Variants in CDKAL1 observed in about 807,000 individuals in gnomAD.
The protein encoded by CDKAL1 is threonylcarbamoyladenosine tRNA methylthiotransferase.
Under a neutral mutation model 68.2 loss-of-function variants are expected in CDKAL1, and 32 were observed. The ratio of observed to expected loss-of-function variants is 0.47; its 90% confidence interval spans 0.35 to 0.63. CDKAL1 has a LOEUF of 0.63. Ranked by LOEUF, CDKAL1 falls within the 30% of genes least tolerant of loss-of-function variation. CDKAL1 has a pLI of 0.00. For missense variants in CDKAL1, 606 were observed against 696.7 expected (o/e 0.87, Z 1.47); for synonymous variants, 234 against 244.3 (o/e 0.96, Z 0.39).
intron 5 of CDKAL1, among the ~76,000 whole-genome samples, chr6:20,710,162 T>C (rs1771782797): frequency 6.6e-6 from 1 of 152,164 alleles, no homozygotes; most frequent in South Asian, 2.1e-4. Flanking sequence ...AATTACTTCA[T>C]TAGGGAAATC....
chr6:21,035,157 C>A lies in CDKAL1; in HGVS notation c.1056-29891C>A, dbSNP rs552573575. Among the ~76,000 whole-genome samples, 6 of 152,172 alleles carry A rather than the reference C, an allele frequency of 3.9e-5. No homozygotes were observed. The South Asian group carries it at 1.2e-3, about 32-fold the overall frequency. On this transcript the variant is annotated intron_variant, in intron 11 of 15. Transcript: ENST00000274695. ...AATATAGATTTTATTTTAGCATATTCTTCTCTATCAACAGCAATCTTAGCC... is the reference window on the plus strand; with the variant it reads ...AATATAGATTTTATTTTAGCATATTATTCTCTATCAACAGCAATCTTAGCC...
At chr6:20,820,045 T>C (rs1243847267) in intron 8 of CDKAL1, among the ~76,000 whole-genome samples, 1 of 152,252 alleles carries the variant, frequency 6.6e-6, no homozygotes, top group East Asian at 1.9e-4. Flanking sequence ...GGCTGAAGTC[T>C]CGTGTGTAAC....
intron 11 of CDKAL1, among the ~76,000 whole-genome samples, chr6:21,041,161 T>C (rs1263896447): frequency 6.6e-6 from 1 of 152,170 alleles, no homozygotes; most frequent in Admixed American, 6.5e-5. Context: ...TAAACCAGAC[T>C]GAGATTACTT....
At chr6:21,012,658 G>T (rs1052135270) in intron 11 of CDKAL1, among the ~76,000 whole-genome samples, 4 of 152,166 alleles carry the variant, frequency 2.6e-5, no homozygotes, top group Non-Finnish European at 5.9e-5. Context: ...GCCTTTCTGC[G>T]CAAGCACTGA....
chr6:20,667,528 A>G lies in CDKAL1; in HGVS notation c.371+18151A>G, dbSNP rs142963455. ...AGCAAACTTTGCTATCTGAGGTAAC[A>G]AGAAATCTTGAGGAAGGGCAGCTCC... is the stretch of plus-strand genomic sequence containing the variant. On this transcript the variant is annotated intron_variant, in intron 5 of 15. Transcript: ENST00000274695. Among the ~76,000 whole-genome samples the G allele has an allele frequency of 4.9e-3, 752 of 152,252 alleles. 2 individuals carry two copies. Among genetic ancestry groups the G allele is most frequent in the African/African-American group, 0.017 (707 of 41,554 alleles).
chr6:20,762,336 G>A (rs1430531722), intron 7 of CDKAL1, among the ~76,000 whole-genome samples: 1 of 152,186 alleles, frequency 6.6e-6, no homozygotes, highest in East Asian at 1.9e-4. Context: ...TTTGGTTAGA[G>A]GATGGGAAGT....
rs116457113 is a variant in CDKAL1 at position 20,874,353 on chromosome 6, T to C, written c.742+28175T>C. 5.7e-3 allele frequency among the ~76,000 whole-genome samples: 863 copies of C among 151,904 alleles called. 11 individuals carry two copies. The highest frequency in any genetic ancestry group is 0.02 in the African/African-American group (810 of 41,392). On this transcript the variant is annotated intron_variant, in intron 9 of 15. Coordinates refer to ENST00000274695, the MANE Select transcript of CDKAL1 (RefSeq NM_017774.3). ...GTCTCGCCCTGTCGTCCAGGCTGGATGATAGAGTGGTGTGATCTCAGCCCA... is the reference window on the plus strand; with the variant it reads ...GTCTCGCCCTGTCGTCCAGGCTGGACGATAGAGTGGTGTGATCTCAGCCCA...
At chr6:20,762,950 CCCTTTGCT>C (rs1237012006) in intron 7 of CDKAL1, among the ~76,000 whole-genome samples, 4 of 152,272 alleles carry the variant, frequency 2.6e-5, no homozygotes, top group Admixed American at 2.6e-4. Context: ...GTACATTATA[CCCTTTGCT>C]CCAGCCAACT....
At chr6:20,555,540 C>G (rs1764001122) in intron 4 of CDKAL1, among the ~76,000 whole-genome samples, 1 of 150,844 alleles carries the variant, frequency 6.6e-6, no homozygotes, top group African/African-American at 2.4e-5. Flanking sequence ...AGGCTGGTCT[C>G]AAACTCCTTA....
chr6:21,198,110 A>C lies in CDKAL1; in HGVS notation c.1383+6A>C. 1 of 1,573,056 alleles carries C rather than the reference A, an allele frequency of 6.4e-7. No homozygotes were observed. Among genetic ancestry groups the C allele is most frequent in the South Asian group, 1.2e-5 (1 of 84,748 alleles). ...ACAATCAATTCTATGAGCAGGTAAG[A>C]GGCACTTCAGTATTCTTGAGTTTTC... On this transcript the variant is annotated splice_donor_region_variant and intron_variant, in intron 14 of 15. Transcript: ENST00000274695.
At chr6:20,633,319 A>G (rs916495374) in intron 4 of CDKAL1, among the ~76,000 whole-genome samples, 2 of 152,120 alleles carry the variant, frequency 1.3e-5, no homozygotes, top group African/African-American at 4.8e-5. Context: ...GACCTCTTTC[A>G]CTTACATAAT....
At chr6:20,561,558 T>G (rs1764271669) in intron 4 of CDKAL1, among the ~76,000 whole-genome samples, 1 of 151,554 alleles carries the variant, frequency 6.6e-6, no homozygotes, top group Admixed American at 6.6e-5. Flanking sequence ...TGATAATATC[T>G]CTGTGTCTTA....
At chr6:21,085,542 CA>C (rs1050566087) in intron 12 of CDKAL1, among the ~76,000 whole-genome samples, 1 of 151,986 alleles carries the variant, frequency 6.6e-6, no homozygotes, top group Non-Finnish European at 1.5e-5. Flanking sequence ...TCACTGTTAA[CA>C]AAAAAGTAAC....
At chr6:21,044,766 T>G (rs1430451745) in intron 11 of CDKAL1, among the ~76,000 whole-genome samples, 1 of 150,900 alleles carries the variant, frequency 6.6e-6, no homozygotes, top group Non-Finnish European at 1.5e-5. Flanking sequence ...TCCCCCTTCC[T>G]TCTCAGAAGG....
intron 9 of CDKAL1, among the ~76,000 whole-genome samples, chr6:20,911,731 A>G (rs758616339): frequency 2.6e-5 from 4 of 152,200 alleles, no homozygotes; most frequent in African/African-American, 4.8e-5. Context: ...GAATAATACA[A>G]ATTTTACCTG....
intron 8 of CDKAL1, among the ~76,000 whole-genome samples, chr6:20,812,076 G>C (rs983481543): frequency 6.6e-6 from 1 of 151,918 alleles, no homozygotes; most frequent in Non-Finnish European, 1.5e-5. Flanking sequence ...TAATTTTATT[G>C]CTTCTTCATG....
intron 15 of CDKAL1, among the ~76,000 whole-genome samples, chr6:21,228,151 G>T (rs1177882715): frequency 4.6e-5 from 7 of 152,080 alleles, no homozygotes; most frequent in Admixed American, 3.9e-4. Context: ...AGCCAGTTTC[G>T]GGGTCTCTCA....
intron 7 of CDKAL1, among the ~76,000 whole-genome samples, chr6:20,770,552 A>G (rs6900375): frequency 0.96 from 146,028 of 152,284 alleles, 70,026 homozygotes; most frequent in East Asian, 1. Context: ...TCTTTAACAG[A>G]CCATGCCCAA....
At chr6:21,103,928 G>T (rs4130302) in intron 12 of CDKAL1, among the ~76,000 whole-genome samples, 2,452 of 152,270 alleles carry the variant, frequency 0.016, 26 homozygotes, top group Non-Finnish European at 0.023. Context: ...TTTTGGCTCA[G>T]CTTTTCGTTT....
Sources: allele counts gnomAD v4.1 joint callset (sites outside exome capture counted in the v4.1 genomes callset), GRCh38; gene constraint gnomAD v4.1.1; transcripts MANE v1.5; gene names NCBI Gene and HGNC (gene_info 2026-07-23, HGNC 2026-07-21).